The following EPG5 variants were observed in gnomAD, a reference collection of about 807,000 sequenced individuals.
The protein encoded by EPG5 is ectopic P granules protein 5 homolog.
EPG5 carries 159 observed loss-of-function variants against 302.7 expected under a neutral mutation model. That is an observed-to-expected ratio of 0.53 (90% confidence interval 0.46 to 0.60). The LOEUF (loss-of-function observed/expected upper bound fraction) is 0.60, where lower values mean the gene tolerates loss of function less well. Ranked by LOEUF, EPG5 falls within the 20% of genes least tolerant of loss-of-function variation. EPG5 has a pLI of 0.00. For synonymous variants in EPG5, 1,158 were observed against 1,136.8 expected, an observed-to-expected ratio of 1.02 and a Z score of -0.37; for missense variants, 2,896 against 3,092.4, an observed-to-expected ratio of 0.94 and a Z score of 1.51.
intron 25 of EPG5, 51 bp from the exon 26 acceptor site, chr18:45,901,218 A>C: frequency 6.7e-7 from 1 of 1,501,620 alleles, no homozygotes; most frequent in Non-Finnish European, 9.2e-7. Context: ...AATTAGCAGG[A>C]GAACAGAAGC....
At chr18:45,910,425 G>A (rs1198574134) in intron 23 of EPG5, 96 bp downstream of exon 23, 3 of 884,454 alleles carry the variant, frequency 3.4e-6, no homozygotes, top group South Asian at 1.7e-5. Flanking sequence ...ACCGTGTTAA[G>A]AGAATAACAT....
At chr18:45,807,824 A>T in the EPG5 span, among the ~76,000 whole-genome samples, 1 of 152,192 alleles carries the variant, frequency 6.6e-6, no homozygotes, top group Non-Finnish European at 1.5e-5. Flanking sequence ...AACAAGGTTA[A>T]TACCTCCAAA....
chr18:45,884,590 T>C (rs1266075492), intron 30 of EPG5, 27 bp downstream of exon 30: 1 of 1,559,712 alleles, frequency 6.4e-7, no homozygotes, highest in Non-Finnish European at 8.7e-7. Flanking sequence ...GTTTCAACAA[T>C]ATGGTGAGGA....
intron 26 of EPG5, 52 bp downstream of exon 26, chr18:45,900,944 C>A: frequency 6.4e-7 from 1 of 1,560,570 alleles, no homozygotes; most frequent in Admixed American, 1.8e-5. Flanking sequence ...ATTATCCAGG[C>A]TGTCAAAGCC....
chr18:45,882,994 C>T (rs1409624809), intron 30 of EPG5, among the ~76,000 whole-genome samples: 4 of 135,660 alleles, frequency 2.9e-5, no homozygotes, highest in Non-Finnish European at 4.6e-5. Context: ...GCAACAAGAG[C>T]GAAACTGCGT....
At chr18:45,908,187 GC>G in intron 23 of EPG5, 106 bp from the exon 24 acceptor site, 1 of 900,452 alleles carries the variant, frequency 1.1e-6, no homozygotes, top group Non-Finnish European at 1.6e-6. Context: ...AGTAAAGAAA[GC>G]CCATAATACA....
intron 1 of EPG5, among the ~76,000 whole-genome samples, chr18:45,960,024 C>T (rs538030050): frequency 1.3e-5 from 2 of 152,196 alleles, no homozygotes; most frequent in South Asian, 2.1e-4. Context: ...GTGGCTCACA[C>T]GTGTAATCCC....
At chr18:45,934,112 A>C (rs1302098451) in intron 11 of EPG5, among the ~76,000 whole-genome samples, 1 of 152,044 alleles carries the variant, frequency 6.6e-6, no homozygotes, top group Non-Finnish European at 1.5e-5. Context: ...AACATGATGA[A>C]ACCATGTCTC....
chr18:45,937,235 TACACACACACACAC>T (rs57593059), intron 10 of EPG5, among the ~76,000 whole-genome samples: 274 of 136,848 alleles, frequency 2.0e-3, no homozygotes, highest in African/African-American at 2.9e-3. Flanking sequence ...TACATATATA[TACACACACACACAC>T]ACACACACAC....
intron 24 of EPG5, among the ~76,000 whole-genome samples, chr18:45,905,226 CA>C (rs1417807481): frequency 5.3e-5 from 8 of 152,108 alleles, no homozygotes; most frequent in Admixed American, 4.6e-4. Flanking sequence ...GTCAAATTAT[CA>C]ATGAACTTTA....
chr18:45,897,052 A>G (rs1005888966), intron 27 of EPG5, among the ~76,000 whole-genome samples: 2 of 152,222 alleles, frequency 1.3e-5, no homozygotes, highest in Admixed American at 6.5e-5. Flanking sequence ...TCTCAATTCA[A>G]GGGTTCAGAC....
chr18:45,929,588 A>G (rs2050353600), intron 12 of EPG5, among the ~76,000 whole-genome samples: 3 of 152,368 alleles, frequency 2.0e-5, no homozygotes, highest in East Asian at 1.9e-4. Flanking sequence ...TCAATTGTAC[A>G]TACACACACA....
At chr18:45,911,539 G>A (rs996967536) in intron 22 of EPG5, among the ~76,000 whole-genome samples, 9 of 151,910 alleles carry the variant, frequency 5.9e-5, no homozygotes, top group African/African-American at 1.4e-4. Flanking sequence ...TGATCCACCC[G>A]CCTCGGCCTC....
In EPG5 at chr18:45,866,944, C is replaced by A. The variant is rs2048760620; in HGVS notation, c.6475G>T (p.Val2159Leu). ...TAACTTAGCACACTCTGGTACGACA[C>A]AATATCCACAAGATGCCATGAAAGT... ...SSLSWHLVDI[V>L]SYQSVLSYFS... Residue 2159 changes from valine to leucine, a missense_variant, in exon 38 of 44, where the codon GTG becomes TTG. Around this residue, in one of 5 missense-constraint regions of EPG5, gnomAD observed 620 missense variants for 704.2 expected, o/e 0.88. Transcript: ENST00000282041. The A allele has an allele frequency of 6.2e-7, 1 of 1,614,040 alleles. No homozygotes were observed.
At chr18:45,944,318 A>C (rs924766414) in intron 7 of EPG5, among the ~76,000 whole-genome samples, 199 bp from the exon 8 acceptor site, 3 of 152,188 alleles carry the variant, frequency 2.0e-5, no homozygotes, top group African/African-American at 7.2e-5. Flanking sequence ...CTGAAATTCC[A>C]AGCACAATTT....
chr18:45,803,322 C>A, the EPG5 span, among the ~76,000 whole-genome samples: 1 of 152,106 alleles, frequency 6.6e-6, no homozygotes, highest in East Asian at 1.9e-4. Context: ...GAGCTTCCTG[C>A]CAATAACAAC....
intron 39 of EPG5, among the ~76,000 whole-genome samples, chr18:45,863,588 G>A (rs1186054284): frequency 6.6e-6 from 1 of 152,040 alleles, no homozygotes; most frequent in Non-Finnish European, 1.5e-5. Flanking sequence ...ACACCTACTG[G>A]GACAAACACT....
intron 27 of EPG5, among the ~76,000 whole-genome samples, chr18:45,894,246 G>A (rs1431367722): frequency 1.3e-5 from 2 of 152,062 alleles, no homozygotes; most frequent in Non-Finnish European, 2.9e-5. Context: ...GATCACCTGA[G>A]GTCAGCAGTT....
intron 42 of EPG5, among the ~76,000 whole-genome samples, chr18:45,856,965 C>T (rs190839323): frequency 1.4e-4 from 21 of 152,264 alleles, no homozygotes; most frequent in Non-Finnish European, 2.4e-4. Flanking sequence ...GTTGGCCAGG[C>T]TGGAGTGCAA....
Sources: allele counts gnomAD v4.1 joint callset (sites outside exome capture counted in the v4.1 genomes callset), GRCh38; gene constraint gnomAD v4.1.1; regional missense constraint gnomAD v4.1.1; transcripts MANE v1.5; gene names NCBI Gene and HGNC (gene_info 2026-07-23, HGNC 2026-07-21).